The following NELL1 variants were observed in gnomAD, a reference collection of about 807,000 sequenced individuals.
NELL1 encodes neural EGFL like 1.
A neutral mutation model predicts 107.4 loss-of-function variants in NELL1; 76 were observed. The observed-to-expected ratio is 0.71, with a 90% confidence interval of 0.59 to 0.86. The LOEUF is 0.86. NELL1 is among the 40% of genes least tolerant of loss of function. The pLI, the probability that NELL1 is intolerant of heterozygous loss-of-function variation, is 0.00. For missense variants in NELL1, 1,024 were observed against 1,005.5 expected, an observed-to-expected ratio of 1.02 and a Z score of -0.25; for synonymous variants, 353 against 341.2, an observed-to-expected ratio of 1.03 and a Z score of -0.38.
At chr11:21,544,697 A>G (rs1856388775) in intron 16 of NELL1, among the ~76,000 whole-genome samples, 1 of 151,946 alleles carries the variant, frequency 6.6e-6, no homozygotes, top group South Asian at 2.1e-4. Flanking sequence ...TGTACTTTAT[A>G]TTATGAATGT....
At chr11:21,203,843 GTATT>G (rs918425164) in intron 13 of NELL1, among the ~76,000 whole-genome samples, 46 of 152,266 alleles carry the variant, frequency 3.0e-4, no homozygotes, top group African/African-American at 8.7e-4. Flanking sequence ...TGTCTGTAAA[GTATT>G]TTATTTCTCC....
intron 13 of NELL1, among the ~76,000 whole-genome samples, chr11:21,213,462 A>G (rs1398110768): frequency 6.6e-6 from 1 of 152,182 alleles, no homozygotes; most frequent in African/African-American, 2.4e-5. Flanking sequence ...ACTGTAATCA[A>G]TTGAATCAAT....
At chr11:21,264,423 G>C (rs1848598442) in intron 14 of NELL1, among the ~76,000 whole-genome samples, 1 of 151,788 alleles carries the variant, frequency 6.6e-6, no homozygotes, top group South Asian at 2.1e-4. Flanking sequence ...TGGAATGAAG[G>C]AAGAACATTT....
chr11:21,400,730 GT>G (rs1852078583), intron 15 of NELL1, among the ~76,000 whole-genome samples: 1 of 151,896 alleles, frequency 6.6e-6, no homozygotes, highest in Admixed American at 6.6e-5. Context: ...GAGAATTTCA[GT>G]TTCACGAATA....
At chr11:21,052,541 C>A (rs930213500) in intron 12 of NELL1, among the ~76,000 whole-genome samples, 1 of 152,022 alleles carries the variant, frequency 6.6e-6, no homozygotes, top group Non-Finnish European at 1.5e-5. Context: ...AAACATTTAT[C>A]GAGTAATCTT....
Position 21,101,590 on chromosome 11 carries a change from TG to T in NELL1, c.1301-11998del, listed in dbSNP as rs552041471. Reference sequence around the variant, plus strand: ...TGATTTGCATTTCTCTGATGGCCAGTGATGATGAGCATTTTTTCATGTGTCT... The same window carrying T: ...TGATTTGCATTTCTCTGATGGCCAGTATGATGAGCATTTTTTCATGTGTCT... On this transcript the variant is annotated intron_variant, in intron 12 of 19. Transcript: ENST00000357134. Among the ~76,000 whole-genome samples, 1,022 of 152,306 alleles carry T rather than the reference TG, an allele frequency of 6.7e-3. 10 individuals carry two copies. Among genetic ancestry groups the T allele is most frequent in the Non-Finnish European group, 8.1e-3 (551 of 68,024 alleles).
chr11:21,012,049 G>T (rs1215060222), intron 12 of NELL1, among the ~76,000 whole-genome samples: 1 of 152,030 alleles, frequency 6.6e-6, no homozygotes, highest in Non-Finnish European at 1.5e-5. Context: ...CACTTTTTGG[G>T]TTAAGACCTG....
At chr11:20,911,513 G>T (rs945237603) in intron 5 of NELL1, among the ~76,000 whole-genome samples, 1 of 152,092 alleles carries the variant, frequency 6.6e-6, no homozygotes, top group African/African-American at 2.4e-5. Context: ...ATTTATTAAG[G>T]GCTTACCCTG....
chr11:21,203,155 A>G (rs916602835), intron 13 of NELL1, among the ~76,000 whole-genome samples: 13 of 152,154 alleles, frequency 8.5e-5, no homozygotes, highest in African/African-American at 3.1e-4. Flanking sequence ...TCCAGAGCTG[A>G]GTTCAAGTCC....
intron 2 of NELL1, among the ~76,000 whole-genome samples, chr11:20,731,803 A>T (rs1855651146): frequency 6.6e-6 from 1 of 152,238 alleles, no homozygotes; most frequent in Non-Finnish European, 1.5e-5. Flanking sequence ...GTCCGGGATT[A>T]GCAAGTATTG....
At chr11:21,540,234 T>G (rs1324230408) in intron 16 of NELL1, among the ~76,000 whole-genome samples, 3 of 152,036 alleles carry the variant, frequency 2.0e-5, no homozygotes, top group Non-Finnish European at 4.4e-5. Context: ...AGTACATTGT[T>G]GTTAATTATA....
At chr11:21,041,118 T>A (rs1853218536) in intron 12 of NELL1, among the ~76,000 whole-genome samples, 1 of 152,158 alleles carries the variant, frequency 6.6e-6, no homozygotes, top group Non-Finnish European at 1.5e-5. Flanking sequence ...ATTCCTTTGG[T>A]CATAATTTGA....
At chr11:21,406,323 C>G (rs533545242) in intron 15 of NELL1, among the ~76,000 whole-genome samples, 1 of 151,980 alleles carries the variant, frequency 6.6e-6, no homozygotes, top group East Asian at 2.0e-4. Flanking sequence ...CATACTGTCT[C>G]TTGAATTTTT....
chr11:20,679,385 C>T (rs1854138071), intron 2 of NELL1, among the ~76,000 whole-genome samples: 1 of 152,110 alleles, frequency 6.6e-6, no homozygotes, highest in Non-Finnish European at 1.5e-5. Context: ...ATGATGATAA[C>T]AAAAGGATTA....
chr11:21,208,828 C>G (rs1193117454), intron 13 of NELL1, among the ~76,000 whole-genome samples: 17 of 152,126 alleles, frequency 1.1e-4, no homozygotes, highest in Non-Finnish European at 1.5e-4. Context: ...AAGTGGTTTA[C>G]AGCCAGAGTG....
chr11:20,945,482 T>C (rs556922527), intron 10 of NELL1, among the ~76,000 whole-genome samples: 1 of 152,332 alleles, frequency 6.6e-6, no homozygotes, highest in East Asian at 1.9e-4. Flanking sequence ...GGTGAGCCAG[T>C]TGCAGCAAAG....
At chr11:21,410,604 G>C (rs958798412) in intron 15 of NELL1, among the ~76,000 whole-genome samples, 1 of 152,044 alleles carries the variant, frequency 6.6e-6, no homozygotes, top group South Asian at 2.1e-4. Flanking sequence ...TTTGTTATAT[G>C]TGTGGATTTC....
chr11:20,807,648 G>T (rs1332668707), intron 3 of NELL1, among the ~76,000 whole-genome samples: 1 of 152,192 alleles, frequency 6.6e-6, no homozygotes, highest in South Asian at 2.1e-4. Flanking sequence ...AAGTTCCCCT[G>T]GGCCCTGGGT....
Position 21,560,179 on chromosome 11 carries a change from T to C in NELL1, c.1787-10T>C. On this transcript the variant is annotated splice_polypyrimidine_tract_variant and intron_variant, in intron 16 of 19. Coordinates refer to ENST00000357134, the MANE Select transcript of NELL1 (RefSeq NM_006157.5). Reference sequence around the variant, plus strand: ...CTAGATTCTAAGCTTCTGTGCTTCCTATATTGCAGACATTGATGAATGTGC... The same window carrying C: ...CTAGATTCTAAGCTTCTGTGCTTCCCATATTGCAGACATTGATGAATGTGC... 6.2e-7 allele frequency: 1 copy of C among 1,613,212 alleles called. No individual in the cohort carries two copies. The highest frequency in any genetic ancestry group is 2.2e-5 in the East Asian group (1 of 44,764).
Sources: allele counts gnomAD v4.1 joint callset (sites outside exome capture counted in the v4.1 genomes callset), GRCh38; gene constraint gnomAD v4.1.1; transcripts MANE v1.5; gene names NCBI Gene and HGNC (gene_info 2026-07-23, HGNC 2026-07-21).